FAT4: variants seen among roughly 807,000 people sequenced by gnomAD.
The protein encoded by FAT4 is FAT atypical cadherin 4, also known as protocadherin Fat 4.
FAT4 carries 84 observed loss-of-function variants against 303.9 expected under a neutral mutation model. That is an observed-to-expected ratio of 0.28 (90% CI 0.23 to 0.33). The LOEUF is 0.33. Ranked by LOEUF, FAT4 falls within the 10% of genes least tolerant of loss-of-function variation. The pLI is 1.00. For missense variants in FAT4, 6,005 were observed against 6,146.8 expected, an observed-to-expected ratio of 0.98 and a Z score of 0.77; for synonymous variants, 2,307 against 2,298.8, an observed-to-expected ratio of 1.00 and a Z score of -0.10.
Position 125,436,099 on chromosome 4 carries a change from G to A in FAT4, c.7199+1674G>A, listed in dbSNP as rs934812458. 4.0e-5 allele frequency among the ~76,000 whole-genome samples: 6 copies of A among 151,254 alleles called. No homozygotes were observed. The East Asian group carries it at 1.2e-3, about 30-fold the overall frequency. On this transcript the variant is annotated intron_variant, in intron 8 of 17. Transcript: ENST00000394329. ...GAGATATACCTAATGTAAATGATGAGTTAATGGGTGCAGCACACCAACATG... is the reference window on the plus strand; with the variant it reads ...GAGATATACCTAATGTAAATGATGAATTAATGGGTGCAGCACACCAACATG...
At chr4:125,489,117 T>C (rs1727512835) in intron 17 of FAT4, among the ~76,000 whole-genome samples, 1 of 152,198 alleles carries the variant, frequency 6.6e-6, no homozygotes, top group East Asian at 1.9e-4. Context: ...TCATAAGTCC[T>C]TTTTATATGG....
chr4:125,329,674 G>A (rs772147194), intron 2 of FAT4, among the ~76,000 whole-genome samples: 12 of 152,152 alleles, frequency 7.9e-5, no homozygotes, highest in Middle Eastern at 3.4e-3. Flanking sequence ...CCCTACATTC[G>A]TATAACCAAT....
chr4:125,416,682 A>C, intron 7 of FAT4, 60 bp downstream of exon 7: 695 of 1,549,934 alleles, frequency 4.5e-4, no homozygotes, highest in Non-Finnish European at 5.6e-4. Flanking sequence ...ACGGTGGCTC[A>C]TGCCTGTAAC....
intron 8 of FAT4, among the ~76,000 whole-genome samples, chr4:125,435,749 A>G (rs1725428690): frequency 6.6e-6 from 1 of 152,114 alleles, no homozygotes; most frequent in African/African-American, 2.4e-5. Flanking sequence ...TACAGGCCAT[A>G]TATGTCACGA....
At chr4:125,439,912 G>T (rs1204377195) in intron 8 of FAT4, among the ~76,000 whole-genome samples, 2 of 152,086 alleles carry the variant, frequency 1.3e-5, no homozygotes, top group Non-Finnish European at 2.9e-5. Flanking sequence ...CAATAAAAAT[G>T]AACATAAAAA....
At chr4:125,394,009 G>A in intron 2 of FAT4, 2 of 779,860 alleles carry the variant, frequency 2.6e-6, no homozygotes, top group South Asian at 1.3e-5. Flanking sequence ...TTTATTGTAA[G>A]TCAAGCACAG....
chr4:125,381,954 A>G (rs1024077851), intron 2 of FAT4, among the ~76,000 whole-genome samples: 4 of 152,222 alleles, frequency 2.6e-5, no homozygotes, highest in East Asian at 1.9e-4. Flanking sequence ...TTGCTAATCC[A>G]TAAGAAGCAA....
Position 125,398,862 on chromosome 4 carries a change from A to G in FAT4, c.5254A>G (p.Asn1752Asp). 1.2e-6 allele frequency: 2 copies of G among 1,613,254 alleles called. No individual in the cohort carries two copies. Among genetic ancestry groups the G allele is most frequent in the Non-Finnish European group, 1.7e-6 (2 of 1,179,386 alleles). Residue 1752 changes from asparagine (N) to aspartate (D), a missense_variant, in exon 3 of 18, where the codon AAC (asparagine) becomes GAC (aspartate). Physicochemically the swap from Asn to Asp is conservative, Grantham distance 23 (BLOSUM62 1). Coordinates refer to ENST00000394329, the MANE Select transcript of FAT4 (RefSeq NM_001291303.3). ...TDMLDLTVEE[N>D]IGDGSKIMQL... ...CATGCTGGATCTCACGGTAGAGGAG[A>G]ACATTGGAGATGGCTCTAAGATTAT... is the stretch of plus-strand genomic sequence containing the variant.
Position 125,319,254 on chromosome 4 carries a change from C to T in FAT4, c.2843C>T (p.Thr948Ile), listed in dbSNP as rs1343318498. 3.7e-6 allele frequency: 6 copies of T among 1,614,114 alleles called. No homozygotes were observed. The highest frequency in any genetic ancestry group is 4.5e-5 in the East Asian group (2 of 44,872). The change falls in exon 2 of 18, where the codon ACT (threonine) becomes ATT (isoleucine). Residue 948 changes from threonine to isoleucine, a missense_variant. Physicochemically the swap from Thr to Ile is moderately conservative, Grantham distance 89. Coordinates refer to ENST00000394329, the MANE Select transcript of FAT4 (RefSeq NM_001291303.3). ...TTTGCTATCAATGAAAAGAATGGCA[C>T]TATTAGTCTGCTTGGGCCCCTGGAT... ...NLFAINEKNG[T>I]ISLLGPLDVH...
At chr4:125,425,554 G>A (rs892565217) in intron 7 of FAT4, among the ~76,000 whole-genome samples, 6 of 152,044 alleles carry the variant, frequency 3.9e-5, no homozygotes, top group East Asian at 3.9e-4. Context: ...AGAAATCACA[G>A]CATTATTCCC....
At chr4:125,432,817 TGATA>T (rs1420592172) in intron 7 of FAT4, among the ~76,000 whole-genome samples, 1 of 3,166 alleles carries the variant, frequency 3.2e-4, no homozygotes, top group African/African-American at 4.0e-4. Flanking sequence ...AAATATCTTA[TGATA>T]TATATATATA....
chr4:125,467,015 G>A (rs1432819486), intron 11 of FAT4, among the ~76,000 whole-genome samples: 2 of 151,876 alleles, frequency 1.3e-5, no homozygotes, highest in Non-Finnish European at 2.9e-5. Context: ...CTGACCTCGT[G>A]ATCCGCCCAC....
At chr4:125,361,587 T>C (rs1380191422) in intron 2 of FAT4, among the ~76,000 whole-genome samples, 1 of 152,174 alleles carries the variant, frequency 6.6e-6, no homozygotes, top group African/African-American at 2.4e-5. Context: ...ACATATGCCC[T>C]AACAGGGAGG....
rs747267764 is a variant in FAT4, at chr4:125,490,929, C to T, written c.14113C>T (p.Pro4705Ser). The change falls in exon 18 of 18, where the codon CCA becomes TCA. Residue 4705 changes from proline to serine, a missense_variant. Physicochemically the swap from Pro to Ser is moderately conservative, Grantham distance 74 (BLOSUM62 -1). Coordinates refer to ENST00000394329, the MANE Select transcript of FAT4 (RefSeq NM_001291303.3). The part of the protein sequence containing the change: ...PTPNPLSRHS[P>S]APFSKSSTFY... ...TCCCAACCCTCTGTCTCGACACAGTCCAGCCCCTTTCTCCAAATCTTCTAC... is the reference window on the plus strand; with the variant it reads ...TCCCAACCCTCTGTCTCGACACAGTTCAGCCCCTTTCTCCAAATCTTCTAC... 1.2e-6 allele frequency: 2 copies of T among 1,614,196 alleles called. No homozygotes were observed. Among genetic ancestry groups the T allele is most frequent in the South Asian group, 1.1e-5 (1 of 91,084 alleles).
Position 125,318,522 on chromosome 4 carries a change from G to A in FAT4, c.2111G>A (p.Gly704Glu), listed in dbSNP as rs1418206150. 2 of 1,614,142 alleles carry A rather than the reference G, an allele frequency of 1.2e-6. No homozygotes were observed. The highest frequency in any genetic ancestry group is 1.7e-6 in the Non-Finnish European group (2 of 1,180,026). The change falls in exon 2 of 18, where the codon GGA (glycine) becomes GAA (glutamate). Residue 704 changes from glycine to glutamate, a missense_variant. Gly to Glu is a moderately conservative substitution (Grantham distance 98). Transcript: ENST00000394329. ...YFAHIKENEPGGSYITTVSAT... is the reference protein window; with the variant it reads ...YFAHIKENEPEGSYITTVSAT... The stretch of plus-strand genomic sequence containing the variant: ...GCTCACATTAAGGAGAATGAGCCTG[G>A]AGGTAGCTACATCACCACTGTGTCT...
At chr4:125,445,850 G>T (rs1192725327) in intron 8 of FAT4, among the ~76,000 whole-genome samples, 1 of 152,078 alleles carries the variant, frequency 6.6e-6, no homozygotes, top group South Asian at 2.1e-4. Flanking sequence ...TGTCTTAAAA[G>T]AATACAATTT....
At position 125,320,788 on chromosome 4, in the gene FAT4, C is replaced by G; in HGVS notation, c.4377C>G (p.Ile1459Met). The change falls in exon 2 of 18, where the codon ATC becomes ATG. Residue 1459 changes from isoleucine to methionine, a missense_variant. Ile to Met is a conservative substitution (Grantham distance 10, BLOSUM62 1). Transcript: ENST00000394329. ...ADINGQLSYT[I>M]IQQMPRGNHF... ...TTAATGGTCAACTATCCTACACAAT[C>G]ATTCAACAGATGCCAAGAGGCAACC... is the stretch of plus-strand genomic sequence containing the variant. 6.2e-7 allele frequency: 1 copy of G among 1,614,104 alleles called. No homozygotes were observed. Among genetic ancestry groups the G allele is most frequent in the Non-Finnish European group, 8.5e-7 (1 of 1,179,924 alleles).
intron 2 of FAT4, among the ~76,000 whole-genome samples, chr4:125,365,346 G>C (rs573940595): frequency 6.6e-6 from 1 of 152,262 alleles, no homozygotes; most frequent in Admixed American, 6.5e-5. Flanking sequence ...CCACGAGCTT[G>C]GATATGTTGT....
chr4:125,488,181 G>A (rs1245946847), intron 17 of FAT4, among the ~76,000 whole-genome samples: 1 of 152,172 alleles, frequency 6.6e-6, no homozygotes, highest in East Asian at 1.9e-4. Flanking sequence ...AATTTATGTT[G>A]ATAGGAATTT....
Sources: allele counts gnomAD v4.1 joint callset (sites outside exome capture counted in the v4.1 genomes callset), GRCh38; gene constraint gnomAD v4.1.1; transcripts MANE v1.5; gene names NCBI Gene and HGNC (gene_info 2026-07-23, HGNC 2026-07-21).